The following STK3 variants were observed in gnomAD, a reference collection of about 807,000 sequenced individuals.
STK3 encodes serine/threonine kinase 3.
Under a neutral mutation model 58.0 loss-of-function variants are expected in STK3, and 41 were observed. The ratio of observed to expected loss-of-function variants is 0.71; its 90% confidence interval spans 0.55 to 0.92. The LOEUF (loss-of-function observed/expected upper bound fraction) is 0.92. STK3 is among the 40% of genes least tolerant of loss of function. STK3 has a pLI of 0.00. For synonymous variants in STK3, 170 were observed against 191.0 expected, an observed-to-expected ratio of 0.89 and a Z score of 0.91; for missense variants, 479 against 602.7, an observed-to-expected ratio of 0.79 and a Z score of 2.15.
chr8:98,887,974 G>A lies in STK3; in HGVS notation c.-78-4140C>T, dbSNP rs562993847. On this transcript the variant is annotated intron_variant, in intron 1 of 1. Coordinates refer to the STK3 transcript ENST00000519420. Reference sequence around the variant, plus strand: ...GACCCAAGTAAGTGTTCACATGCTGGGGGGAAGCAGAGGGATGGCTGAATA... The same window carrying A: ...GACCCAAGTAAGTGTTCACATGCTGAGGGGAAGCAGAGGGATGGCTGAATA... Among the ~76,000 whole-genome samples, 8 of 152,296 alleles carry A rather than the reference G, an allele frequency of 5.3e-5. No homozygotes were observed. The South Asian group carries it at 1.7e-3, about 32-fold the overall frequency.
chr8:98,700,170 A>G (rs557756876), intron 6 of STK3, among the ~76,000 whole-genome samples: 259 of 152,306 alleles, frequency 1.7e-3, no homozygotes, highest in African/African-American at 6.0e-3. Context: ...CCTCTGATCC[A>G]AGTGCGGGAT....
At chr8:98,907,310 G>T (rs554296220) in intron 1 of STK3, among the ~76,000 whole-genome samples, 6 of 151,970 alleles carry the variant, frequency 3.9e-5, no homozygotes, top group Admixed American at 2.0e-4. Flanking sequence ...TCAGGAGATC[G>T]AGACCATCCT....
chr8:98,346,254 C>T, the STK3 span, among the ~76,000 whole-genome samples: 73 of 146,838 alleles, frequency 5.0e-4, 1 homozygote, highest in East Asian at 0.01. Flanking sequence ...CATTGCACTT[C>T]GGCCTGGGTG....
intron 4 of STK3, among the ~76,000 whole-genome samples, chr8:98,737,783 T>C (rs1273917809): frequency 3.3e-5 from 5 of 152,196 alleles, no homozygotes; most frequent in African/African-American, 9.6e-5. Flanking sequence ...TCTCAGCTCA[T>C]TGCAACCTCT....
chr8:98,628,374 A>G (rs1244975227), intron 6 of STK3, among the ~76,000 whole-genome samples: 1 of 152,196 alleles, frequency 6.6e-6, no homozygotes, highest in Non-Finnish European at 1.5e-5. Context: ...TAGATTACTC[A>G]TGCTAGACTT....
chr8:98,779,276 T>C (rs1357759896), intron 1 of STK3, among the ~76,000 whole-genome samples: 1 of 152,210 alleles, frequency 6.6e-6, no homozygotes, highest in African/African-American at 2.4e-5. Context: ...GTAATGCCAC[T>C]GTGCTGCTTC....
upstream of STK3, among the ~76,000 whole-genome samples, chr8:98,828,456 A>AAAAAAAAAAAAC (rs1835403933): frequency 6.6e-6 from 1 of 150,506 alleles, no homozygotes; most frequent in African/African-American, 2.4e-5. Flanking sequence ...AAAAAAAAAA[A>AAAAAAAAAAAAC]AAAAAAAAAC....
rs757100051 is a variant in STK3, at chr8:98,675,284, CAT to C, written c.684+31181_684+31182del. Among the ~76,000 whole-genome samples, 6 of 152,134 alleles carry C rather than the reference CAT, an allele frequency of 3.9e-5. No individual in the cohort carries two copies. In the East Asian group the frequency reaches 5.8e-4, roughly 15 times the overall value. ...CAAGAATTGTTATATTAAAAATATA[CAT>C]GTTATCTTTTTCTGTTAACATCTTT... On this transcript the variant is annotated intron_variant, in intron 6 of 10. Transcript: ENST00000419617.
chr8:98,842,278 T>C (rs1203512625), intron 3 of STK3, among the ~76,000 whole-genome samples: 1 of 152,212 alleles, frequency 6.6e-6, no homozygotes, highest in East Asian at 1.9e-4. Context: ...TTTAACAAGT[T>C]AATTCTCAAG....
chr8:98,428,315 G>C lies in STK3; in HGVS notation n.483+5812C>G. On this transcript the variant is annotated intron_variant and non_coding_transcript_variant, in intron 3 of 3. Coordinates refer to the STK3 transcript ENST00000517832. The surrounding 1 kb of genome is among the most constrained non-coding windows in gnomAD (Gnocchi z 6.7). ...AGATCGAGTACTGGGGCATCAACGA[G>C]TTCTTCATTGACTCCTGCTGCAGCT... The C allele has an allele frequency of 1.2e-6, 2 of 1,614,126 alleles. No homozygotes were observed. The highest frequency in any genetic ancestry group is 1.7e-6 in the Non-Finnish European group (2 of 1,180,014).
At position 98,607,692 on chromosome 8, in the gene STK3, CT is replaced by C. The variant is rs148123418; in HGVS notation, c.685-11524del. ...AACTACAGCTTTTTTCATGAATCAT[CT>C]TTTTCATTTGAAAGAAAAACTGAGA... On this transcript the variant is annotated intron_variant, in intron 6 of 10. Coordinates refer to ENST00000419617, the MANE Select transcript of STK3 (RefSeq NM_006281.4). 8.0e-3 allele frequency among the ~76,000 whole-genome samples: 1,214 copies of C among 152,242 alleles called. 15 individuals are homozygous for C. The highest frequency in any genetic ancestry group is 0.028 in the African/African-American group (1,154 of 41,548).
chr8:98,814,525 G>C (rs1028576369), intron 1 of STK3, among the ~76,000 whole-genome samples: 1 of 151,646 alleles, frequency 6.6e-6, no homozygotes, highest in African/African-American at 2.4e-5. Flanking sequence ...GTTTGTTGTA[G>C]AGACAGGGTC....
Position 98,526,772 on chromosome 8 carries a change from C to T in STK3, c.1287G>A (p.Trp429Ter), listed in dbSNP as rs199671137. The T allele has an allele frequency of 7.0e-6, 11 of 1,578,758 alleles. No individual in the cohort carries two copies. The highest frequency in any genetic ancestry group is 9.5e-6 in the Non-Finnish European group (11 of 1,161,342). ...CAAAGTCTCCATCTTGAGGAACTTT[C>T]CAGTTATCAGGAAAAACGTTTTTGG... ...PMSKNVFPDN[W>*]KVPQDGDFDF... Residue 429 changes from tryptophan to a stop codon, truncating the protein, a stop_gained, in exon 10 of 11, where the codon TGG becomes TGA. Transcript: ENST00000419617. LOFTEE classifies it high-confidence loss of function.
intron 8 of STK3, among the ~76,000 whole-genome samples, chr8:98,562,513 G>GA (rs1455948420): frequency 6.6e-6 from 1 of 151,892 alleles, no homozygotes; most frequent in African/African-American, 2.4e-5. Context: ...GGGGTTGGGG[G>GA]AGAGTTGATT....
chr8:98,596,774 C>G (rs1436846022), intron 6 of STK3, among the ~76,000 whole-genome samples: 1 of 151,660 alleles, frequency 6.6e-6, no homozygotes, highest in South Asian at 2.1e-4. Context: ...TCAGAAACCT[C>G]AAAAATCAAA....
chr8:98,636,898 A>G (rs1246331244), intron 6 of STK3, among the ~76,000 whole-genome samples: 1 of 152,132 alleles, frequency 6.6e-6, no homozygotes, highest in Non-Finnish European at 1.5e-5. Context: ...ATAAAATAGC[A>G]TTTGAAAATG....
intron 10 of STK3, among the ~76,000 whole-genome samples, chr8:98,469,280 C>T (rs1052944576): frequency 1.3e-4 from 20 of 151,242 alleles, no homozygotes; most frequent in Admixed American, 4.0e-4. Context: ...CTGAGAATGG[C>T]GCCAAATTAG....
At chr8:98,575,435 G>A (rs1442894989) in intron 8 of STK3, among the ~76,000 whole-genome samples, 2 of 149,912 alleles carry the variant, frequency 1.3e-5, no homozygotes, top group Non-Finnish European at 3.0e-5. Context: ...TTCACAATGT[G>A]CAACCATCTC....
At chr8:98,467,641 T>C (rs1460811079) in intron 10 of STK3, among the ~76,000 whole-genome samples, 1 of 151,924 alleles carries the variant, frequency 6.6e-6, no homozygotes, top group Non-Finnish European at 1.5e-5. Context: ...ATGAGGGTAT[T>C]TTTTCAGCAT....
Sources: gnomAD v4.1 joint callset for allele counts (sites outside exome capture counted in the v4.1 genomes callset) on GRCh38, gnomAD v4.1.1 for gene constraint, Gnocchi (gnomAD v3.1) non-coding constraint, MANE v1.5 for transcripts, NCBI Gene and HGNC (gene_info 2026-07-23, HGNC 2026-07-21) for gene names.